PRDM16: variants seen among roughly 807,000 people sequenced by gnomAD.
The protein encoded by PRDM16 is PR/SET domain 16, also known as histone-lysine N-methyltransferase PRDM16.
In PRDM16, 23 loss-of-function variants were observed where a neutral mutation model predicts 110.6. The ratio of observed to expected loss-of-function variants is 0.21; its 90% CI spans 0.15 to 0.29. The LOEUF (loss-of-function observed/expected upper bound fraction) is 0.29, where lower values mean the gene tolerates loss of function less well. Ranked by LOEUF, PRDM16 falls within the 10% of genes least tolerant of loss-of-function variation. PRDM16 has a pLI of 1.00. For missense variants in PRDM16, 1,615 were observed against 1,794.3 expected (o/e 0.90, Z 1.81); for synonymous variants, 799 against 781.8 (o/e 1.02, Z -0.37).
At position 3,405,569 on chromosome 1, in the gene PRDM16, C is replaced by G; in HGVS notation, c.1107C>G (p.Pro369=). ...QHVGARAHAC[P]DCGKTFATSS... ...TGGGCGCTCGGGCCCACGCCTGCCC[C>G]GACTGCGGGAAGACCTTCGCCACGT... Residue 369 remains proline (P), a synonymous_variant, in exon 8 of 17, where the codon CCC becomes CCG. Coordinates refer to ENST00000270722, the MANE Select transcript of PRDM16 (RefSeq NM_022114.4). 1 of 1,611,226 alleles carries G rather than the reference C, an allele frequency of 6.2e-7. No homozygotes were observed. The highest frequency in any genetic ancestry group is 8.5e-7 in the Non-Finnish European group (1 of 1,179,072).
chr1:3,247,944 C>T (rs925930476), intron 3 of PRDM16, among the ~76,000 whole-genome samples: 5 of 152,202 alleles, frequency 3.3e-5, no homozygotes, highest in African/African-American at 1.2e-4. Context: ...GAGCAAACAT[C>T]TGCGGGAGAT....
chr1:3,423,494 C>T (rs936141401), intron 12 of PRDM16, among the ~76,000 whole-genome samples: 11 of 152,252 alleles, frequency 7.2e-5, no homozygotes, highest in South Asian at 2.1e-4. Context: ...AGCACCGTGC[C>T]GAGAAGGCCG....
chr1:3,163,732 C>T (rs1362572975), intron 1 of PRDM16, among the ~76,000 whole-genome samples: 4 of 152,264 alleles, frequency 2.6e-5, no homozygotes, highest in South Asian at 2.1e-4. Flanking sequence ...GTAGGAGCAT[C>T]GCCCAGCCTC....
At chr1:3,311,411 G>A (rs114496206) in intron 3 of PRDM16, among the ~76,000 whole-genome samples, 3,524 of 152,242 alleles carry the variant, frequency 0.023, 47 homozygotes, top group Middle Eastern at 0.034. Context: ...ATTGGTGCCC[G>A]CTCTGTCCTG....
At chr1:3,366,129 CA>C (rs1481323075) in intron 3 of PRDM16, among the ~76,000 whole-genome samples, 17 of 152,350 alleles carry the variant, frequency 1.1e-4, no homozygotes, top group African/African-American at 4.1e-4. Context: ...ACCTGTGGCT[CA>C]GGGGGGCTCT....
Position 3,382,390 on chromosome 1 carries a change from C to G in PRDM16, c.439-2762C>G, listed in dbSNP as rs906497252. Reference sequence around the variant, plus strand: ...TGACCTCCCTGGACAGCGTGAGGACCCTTCCTGCAGCCCCTTTAGGGACCA... The same window carrying G: ...TGACCTCCCTGGACAGCGTGAGGACGCTTCCTGCAGCCCCTTTAGGGACCA... On this transcript the variant is annotated intron_variant, in intron 3 of 16. Coordinates refer to ENST00000270722, the MANE Select transcript of PRDM16 (RefSeq NM_022114.4). The surrounding 1 kb of genome is among the most constrained non-coding windows in gnomAD (Gnocchi z 6.6). Among the ~76,000 whole-genome samples, 1 of 152,188 alleles carries G rather than the reference C, an allele frequency of 6.6e-6. No homozygotes were observed. Among genetic ancestry groups the G allele is most frequent in the African/African-American group, 2.4e-5 (1 of 41,462 alleles).
chr1:3,101,090 C>T (rs1030518140), intron 1 of PRDM16, among the ~76,000 whole-genome samples: 7 of 152,134 alleles, frequency 4.6e-5, no homozygotes, highest in African/African-American at 1.2e-4. Context: ...CCATCTCGCC[C>T]GGCTGGCACA....
chr1:3,438,584 A>C lies in PRDM16; in HGVS notation c.*4773A>C, dbSNP rs1638966663. On this transcript the variant is annotated 3_prime_UTR_variant, in exon 17 of 17. Transcript: ENST00000270722. ...TTCCAATGCTCCAATGAATTTATAC[A>C]TGAGATTGATATGCAATAAATCTGT... 5.2e-6 allele frequency: 1 copy of C among 190,864 alleles called. No homozygotes were observed. Among genetic ancestry groups the C allele is most frequent in the Non-Finnish European group, 1.1e-5 (1 of 91,100 alleles). The allele number at this position is 190,864 out of a possible 1,614,324, so 11.8% of individuals were successfully genotyped here.
intron 1 of PRDM16, among the ~76,000 whole-genome samples, chr1:3,181,685 TAC>T (rs1201532790): frequency 7.4e-4 from 69 of 93,818 alleles, no homozygotes; most frequent in South Asian, 2.5e-3. Context: ...CGCGCAGTCT[TAC>T]ACACGGTCTT....
chr1:3,301,586 A>C (rs1176995133), intron 3 of PRDM16, among the ~76,000 whole-genome samples: 1 of 152,202 alleles, frequency 6.6e-6, no homozygotes, highest in East Asian at 1.9e-4. Context: ...AGCTTCCTTT[A>C]GCAAGGGCTC....
chr1:3,387,698 A>C (rs1049580729), intron 4 of PRDM16, among the ~76,000 whole-genome samples: 7 of 152,256 alleles, frequency 4.6e-5, no homozygotes, highest in African/African-American at 1.4e-4. Context: ...CTCGCCGCCC[A>C]GGCACGGGGA....
chr1:3,415,653 C>G (rs1638226271), intron 10 of PRDM16, among the ~76,000 whole-genome samples: 1 of 152,254 alleles, frequency 6.6e-6, no homozygotes. Flanking sequence ...TCGGGCGGAG[C>G]AAGCCGGGCG....
chr1:3,153,061 A>AGCCAGC (rs1217653826), intron 1 of PRDM16, among the ~76,000 whole-genome samples: 2 of 152,242 alleles, frequency 1.3e-5, no homozygotes, highest in African/African-American at 4.8e-5. Flanking sequence ...GCCAGGCCAG[A>AGCCAGC]GCCAGCTCCA....
At chr1:3,194,166 T>C (rs1222330820) in intron 2 of PRDM16, among the ~76,000 whole-genome samples, 1 of 152,184 alleles carries the variant, frequency 6.6e-6, no homozygotes, top group Non-Finnish European at 1.5e-5. Context: ...CCCAAAGCAC[T>C]CGTCTGGCCT....
rs1025548061 is a variant in PRDM16 at position 3,209,343 on chromosome 1, G to A, written c.387+22869G>A. Among the ~76,000 whole-genome samples, 1 of 152,190 alleles carries A rather than the reference G, an allele frequency of 6.6e-6. No homozygotes were observed. The highest frequency in any genetic ancestry group is 1.5e-5 in the Non-Finnish European group (1 of 68,034). ...CACTGCACGTTTGACATCGGGGCAC[G>A]CAGCTCCGACGTGGCCGGTCCCGAC... On this transcript the variant is annotated intron_variant, in intron 2 of 16. Coordinates refer to ENST00000270722, the MANE Select transcript of PRDM16 (RefSeq NM_022114.4). The surrounding 1 kb of genome is among the most constrained non-coding windows in gnomAD (Gnocchi z 4.6).
Position 3,297,248 on chromosome 1 carries a change from G to A in PRDM16, c.438+53111G>A, listed in dbSNP as rs13374596. On this transcript the variant is annotated intron_variant, in intron 3 of 16. Transcript: ENST00000270722. ...TTTCGGGTGAGACCCGAAGCAGCGA[G>A]ACCCTATCCAGGTCAACGTCTGGTG... is the stretch of plus-strand genomic sequence containing the variant. 2.5e-3 allele frequency among the ~76,000 whole-genome samples: 379 copies of A among 151,430 alleles called. 2 individuals carry two copies. Among genetic ancestry groups the A allele is most frequent in the African/African-American group, 8.8e-3 (362 of 41,170 alleles).
intron 2 of PRDM16, among the ~76,000 whole-genome samples, chr1:3,215,527 G>A (rs1298864742): frequency 6.6e-6 from 1 of 151,814 alleles, no homozygotes; most frequent in Non-Finnish European, 1.5e-5. Context: ...GGAAGGTGGG[G>A]GCCCTGCCTA....
At position 3,352,047 on chromosome 1, in the gene PRDM16, G is replaced by A. The variant is rs556637179; in HGVS notation, c.439-33105G>A. Among the ~76,000 whole-genome samples the A allele has an allele frequency of 9.9e-5, 15 of 152,262 alleles. No homozygotes were observed. In the South Asian group the frequency reaches 1.7e-3, roughly 17 times the overall value. On this transcript the variant is annotated intron_variant, in intron 3 of 16. Transcript: ENST00000270722. The stretch of plus-strand genomic sequence containing the variant: ...TCCAGAGGAGAGGAGACACTCCTGC[G>A]AGGGAATGGGGAGCACAGTGTGAAT...
chr1:3,233,302 G>T (rs1233211682), intron 2 of PRDM16, among the ~76,000 whole-genome samples: 2 of 152,204 alleles, frequency 1.3e-5, no homozygotes, highest in African/African-American at 4.8e-5. Flanking sequence ...AAAATGGCCA[G>T]CAGTGGACCT....
Sources: gnomAD v4.1 joint callset for allele counts (sites outside exome capture counted in the v4.1 genomes callset) on GRCh38, gnomAD v4.1.1 for gene constraint, Gnocchi (gnomAD v3.1) non-coding constraint, MANE v1.5 for transcripts, NCBI Gene and HGNC (gene_info 2026-07-23, HGNC 2026-07-21) for gene names.